Variants in CRACR2A observed in about 807,000 individuals in gnomAD.
CRACR2A encodes EF-hand calcium-binding domain-containing protein 4B.
A neutral mutation model predicts 90.5 loss-of-function variants in CRACR2A; 79 were observed. The observed-to-expected ratio is 0.87, with a 90% CI of 0.73 to 1.05. The LOEUF is 1.05. Ranked by LOEUF, CRACR2A falls within the 50% of genes least tolerant of loss-of-function variation. The pLI is 0.00. For missense variants in CRACR2A, 823 were observed against 897.2 expected (o/e 0.92, Z 1.06); for synonymous variants, 338 against 356.7 (o/e 0.95, Z 0.59).
Position 3,680,236 on chromosome 12 carries a change from A to G in CRACR2A, c.340+2T>C. ...AGGTCCCCAGCACCCATCAGAACTT[A>G]CTAAATCCAGTAGTGAACTCCTGTG... On this transcript the variant is annotated splice_donor_variant, in intron 5 of 19. Transcript: ENST00000440314. LOFTEE classifies it high-confidence loss of function. The G allele has an allele frequency of 6.2e-7, 1 of 1,613,102 alleles. No individual in the cohort carries two copies. Among genetic ancestry groups the G allele is most frequent in the Non-Finnish European group, 8.5e-7 (1 of 1,179,070 alleles).
chr12:3,745,825 T>TAAAATAAAATAAAATAAATAAAATAAAG (rs149739964), intron 1 of CRACR2A, among the ~76,000 whole-genome samples: 4 of 100,486 alleles, frequency 4.0e-5, no homozygotes, highest in Non-Finnish European at 5.9e-5. Context: ...TAAAATAAAA[T>TAAAATAAAATAAAATAAATAAAATAAAG]AAAGAAAGAA....
In CRACR2A at chr12:3,640,782, A is replaced by T. The variant is rs373729914; in HGVS notation, c.1271+950T>A. 7.7e-6 allele frequency: 10 copies of T among 1,305,372 alleles called. No individual in the cohort carries two copies. The East Asian group carries it at 2.2e-4, about 29-fold the overall frequency. 80.9% of individuals were successfully genotyped at this position (1,305,372 alleles called of 1,614,324 possible). A position where few individuals can be genotyped will look rare whatever the true frequency, so the allele number is the denominator to read the frequency against. On this transcript the variant is annotated intron_variant, in intron 13 of 19. Transcript: ENST00000440314. ...TGCCTCTATCTCTCTGTGGCCATCTATGTGGACACAGCACATGCCAAAATG... is the reference window on the plus strand; with the variant it reads ...TGCCTCTATCTCTCTGTGGCCATCTTTGTGGACACAGCACATGCCAAAATG...
intron 1 of CRACR2A, among the ~76,000 whole-genome samples, chr12:3,739,358 T>C (rs1470805336): frequency 6.6e-6 from 1 of 152,232 alleles, no homozygotes; most frequent in Non-Finnish European, 1.5e-5. Flanking sequence ...GAGCATTTTT[T>C]TGAGGAATAA....
At chr12:3,727,153 CA>C (rs5796073) in intron 2 of CRACR2A, 119 of 88,654 alleles carry the variant, frequency 1.3e-3, no homozygotes, top group African/African-American at 2.4e-3. Context: ...GACTCTGTCT[CA>C]AAAAAAAAAA....
At chr12:3,667,851 G>A (rs796070535) in intron 7 of CRACR2A, among the ~76,000 whole-genome samples, 13 of 152,264 alleles carry the variant, frequency 8.5e-5, no homozygotes, top group East Asian at 3.9e-4. Context: ...GCGCATGCAC[G>A]TGCACACACA....
At chr12:3,686,709 T>G (rs1565489533) in intron 4 of CRACR2A, among the ~76,000 whole-genome samples, 2 of 152,078 alleles carry the variant, frequency 1.3e-5, no homozygotes, top group Non-Finnish European at 2.9e-5. Flanking sequence ...GACCTAACCC[T>G]GCAAAGCAAC....
At chr12:3,703,478 T>A (rs544974962) in intron 3 of CRACR2A, among the ~76,000 whole-genome samples, 1 of 152,328 alleles carries the variant, frequency 6.6e-6, no homozygotes, top group East Asian at 1.9e-4. Flanking sequence ...ACATAAAACT[T>A]CAAGAAGGAA....
chr12:3,620,133 C>G (rs997491268), intron 17 of CRACR2A, among the ~76,000 whole-genome samples: 1 of 152,228 alleles, frequency 6.6e-6, no homozygotes, highest in East Asian at 1.9e-4. Context: ...GCCTGCTTCC[C>G]GGGTCTCCAC....
chr12:3,744,304 C>G (rs897253903), intron 1 of CRACR2A, among the ~76,000 whole-genome samples: 1 of 152,152 alleles, frequency 6.6e-6, no homozygotes, highest in African/African-American at 2.4e-5. Context: ...TCCTTTTTGG[C>G]TAAAGGCCCC....
At chr12:3,652,274 T>G (rs1335030489) in intron 10 of CRACR2A, among the ~76,000 whole-genome samples, 1 of 152,214 alleles carries the variant, frequency 6.6e-6, no homozygotes, top group Non-Finnish European at 1.5e-5. Context: ...TGATTGAATT[T>G]CAAGAGCCTG....
At chr12:3,617,626 G>T (rs537650165) in intron 18 of CRACR2A, among the ~76,000 whole-genome samples, 1 of 152,214 alleles carries the variant, frequency 6.6e-6, no homozygotes, top group Non-Finnish European at 1.5e-5. Flanking sequence ...CACCAGACTG[G>T]CCGTCAGCTC....
chr12:3,673,989 G>A (rs73047296), intron 6 of CRACR2A, among the ~76,000 whole-genome samples: 22,435 of 152,108 alleles, frequency 0.15, 1,827 homozygotes, highest in South Asian at 0.26. Flanking sequence ...CGACGGGCTC[G>A]TGGGGCTGGG....
At chr12:3,665,695 G>C (rs1945121845) in intron 7 of CRACR2A, among the ~76,000 whole-genome samples, 1 of 152,170 alleles carries the variant, frequency 6.6e-6, no homozygotes, top group Non-Finnish European at 1.5e-5. Flanking sequence ...GCAGCTTGTT[G>C]TATGTGGTGT....
chr12:3,669,090 T>C (rs376683520), intron 7 of CRACR2A, among the ~76,000 whole-genome samples: 56 of 152,284 alleles, frequency 3.7e-4, no homozygotes, highest in African/African-American at 9.9e-4. Context: ...AGAAAACACT[T>C]TCCTTCAGAG....
chr12:3,723,212 T>C (rs1261186698), intron 2 of CRACR2A, among the ~76,000 whole-genome samples: 3 of 152,190 alleles, frequency 2.0e-5, no homozygotes, highest in East Asian at 3.9e-4. Context: ...TAGCATGCCA[T>C]GTCTGCAGCA....
intron 8 of CRACR2A, among the ~76,000 whole-genome samples, chr12:3,656,866 A>G (rs1295966106): frequency 6.6e-6 from 1 of 152,156 alleles, no homozygotes; most frequent in African/African-American, 2.4e-5. Flanking sequence ...CGGATCCCTT[A>G]AATTGGCCTC....
chr12:3,648,374 T>C, intron 11 of CRACR2A, 168 bp downstream of exon 11: 1 of 1,515,078 alleles, frequency 6.6e-7, no homozygotes, highest in African/African-American at 1.4e-5. Flanking sequence ...CATAATAGAG[T>C]GGCTACTTGG....
At chr12:3,666,348 TGTGTGTGCGTGC>T (rs747899847) in intron 7 of CRACR2A, among the ~76,000 whole-genome samples, 19 of 138,618 alleles carry the variant, frequency 1.4e-4, no homozygotes, top group African/African-American at 4.5e-4. Context: ...TGTGTGTGTG[TGTGTGTGCGTGC>T]GTGTGCGCGT....
In CRACR2A at chr12:3,638,285, G is replaced by A; in HGVS notation, c.1441C>T (p.Gln481Ter). 6.4e-7 allele frequency: 1 copy of A among 1,551,698 alleles called. No homozygotes were observed. The highest frequency in any genetic ancestry group is 8.7e-7 in the Non-Finnish European group (1 of 1,146,988). Residue 481 changes from glutamine to a stop codon, truncating the protein, a stop_gained, in exon 14 of 20, where the codon CAG becomes TAG. Transcript: ENST00000440314. LOFTEE classifies it high-confidence loss of function. ...TGCTCAAAGCCACCATCCAGGAGCTGGGGCAGGGGGTCTTCTTCAACGGAG... is the reference window on the plus strand; with the variant it reads ...TGCTCAAAGCCACCATCCAGGAGCTAGGGCAGGGGGTCTTCTTCAACGGAG... ...IISVEEDPLPQLLDGGFEQPL... is the reference protein window; with the variant it reads ...IISVEEDPLP
Sources: gnomAD v4.1 joint callset for allele counts (sites outside exome capture counted in the v4.1 genomes callset) on GRCh38, gnomAD v4.1.1 for gene constraint, MANE v1.5 for transcripts, NCBI Gene and HGNC (gene_info 2026-07-23, HGNC 2026-07-21) for gene names.